The following CAB39 variants were observed in gnomAD, a reference collection of about 807,000 sequenced individuals.
The protein encoded by CAB39 is calcium binding protein 39.
A neutral mutation model predicts 40.0 loss-of-function variants in CAB39; 8 were observed. That is an observed-to-expected ratio of 0.20 (90% CI 0.12 to 0.36). The LOEUF (loss-of-function observed/expected upper bound fraction) is 0.36. CAB39 is among the 10% of genes least tolerant of loss of function. The pLI, the probability that CAB39 is intolerant of heterozygous loss-of-function variation, is 1.00. For synonymous variants in CAB39, 156 were observed against 141.6 expected (o/e 1.10, Z -0.72); for missense variants, 270 against 401.1 (o/e 0.67, Z 2.79).
At chr2:230,748,832 AT>A (rs1305440196) in intron 1 of CAB39, among the ~76,000 whole-genome samples, 1,218 of 21,534 alleles carry the variant, frequency 0.057, 29 homozygotes, top group African/African-American at 0.13. Flanking sequence ...AAAAAAAAAA[AT>A]ATATATATAT....
intron 2 of CAB39, among the ~76,000 whole-genome samples, chr2:230,761,776 C>T (rs983850955): frequency 6.6e-6 from 1 of 151,992 alleles, no homozygotes; most frequent in African/African-American, 2.4e-5. Context: ...GTTTCTAATG[C>T]CCTTTGGACT....
intron 5 of CAB39, among the ~76,000 whole-genome samples, chr2:230,807,201 G>T (rs1696211548): frequency 6.6e-6 from 1 of 151,950 alleles, no homozygotes; most frequent in African/African-American, 2.4e-5. Flanking sequence ...TATTCTGTTG[G>T]TCTACACACA....
chr2:230,767,601 T>C (rs1695410819), intron 2 of CAB39, among the ~76,000 whole-genome samples: 1 of 152,246 alleles, frequency 6.6e-6, no homozygotes, highest in Non-Finnish European at 1.5e-5. Flanking sequence ...GAATGGTTTT[T>C]ACATTTACAG....
chr2:230,779,433 A>G (rs1488547397), intron 2 of CAB39: 1 of 152,338 alleles, frequency 6.6e-6, no homozygotes, highest in Non-Finnish European at 1.5e-5. Context: ...GTAAGGGATG[A>G]TCCGCATCTC....
At chr2:230,773,317 T>TGTGTGTGTGA (rs1695525221) in intron 2 of CAB39, among the ~76,000 whole-genome samples, 1 of 134,834 alleles carries the variant, frequency 7.4e-6, no homozygotes, top group Non-Finnish European at 1.7e-5. Flanking sequence ...TATATATATG[T>TGTGTGTGTGA]GTGTGTGTGT....
chr2:230,798,918 C>A (rs1696037033), intron 5 of CAB39, 21 bp downstream of exon 5: 1 of 1,560,814 alleles, frequency 6.4e-7, no homozygotes, highest in East Asian at 2.3e-5. Flanking sequence ...CTGTAGAATT[C>A]TAAATATCCT....
chr2:230,781,926 T>A (rs1323996128), intron 2 of CAB39, among the ~76,000 whole-genome samples: 1 of 152,138 alleles, frequency 6.6e-6, no homozygotes, highest in Admixed American at 6.5e-5. Context: ...GTGCAGTGGC[T>A]CAATCTCGGC....
chr2:230,725,604 A>C (rs1694552429), intron 1 of CAB39, among the ~76,000 whole-genome samples: 1 of 152,200 alleles, frequency 6.6e-6, no homozygotes, highest in African/African-American at 2.4e-5. Flanking sequence ...AAGGGGTCCT[A>C]GATTTGAAAC....
intron 1 of CAB39, among the ~76,000 whole-genome samples, chr2:230,743,682 C>T (rs1234794034): frequency 6.6e-6 from 1 of 152,100 alleles, no homozygotes; most frequent in Non-Finnish European, 1.5e-5. Flanking sequence ...TAGAAGAGTA[C>T]TCGCTTTGAT....
At chr2:230,778,489 G>A (rs185444304) in intron 2 of CAB39, among the ~76,000 whole-genome samples, 20 of 152,284 alleles carry the variant, frequency 1.3e-4, no homozygotes, top group Admixed American at 9.8e-4. Context: ...TGCACTGATA[G>A]GTACCGTGGG....
chr2:230,755,433 A>G (rs921086132), intron 1 of CAB39, among the ~76,000 whole-genome samples: 3 of 152,128 alleles, frequency 2.0e-5, no homozygotes, highest in African/African-American at 2.4e-5. Flanking sequence ...GGCCATTTAT[A>G]TATCTTCTTT....
At chr2:230,765,677 G>T (rs975194172) in intron 2 of CAB39, among the ~76,000 whole-genome samples, 1 of 152,008 alleles carries the variant, frequency 6.6e-6, no homozygotes, top group Non-Finnish European at 1.5e-5. Context: ...GGGCAATTTT[G>T]CCCTGAAGGG....
chr2:230,760,384 T>TTAC (rs1471319052), intron 2 of CAB39, among the ~76,000 whole-genome samples: 1 of 152,192 alleles, frequency 6.6e-6, no homozygotes, highest in Non-Finnish European at 1.5e-5. Flanking sequence ...TTATTTATTA[T>TTAC]TACTAATTAT....
intron 2 of CAB39, among the ~76,000 whole-genome samples, chr2:230,770,348 A>G (rs531415298): frequency 4.6e-5 from 7 of 152,334 alleles, no homozygotes; most frequent in African/African-American, 1.7e-4. Context: ...ACTGCATGCC[A>G]TTAAACTCAA....
chr2:230,758,905 A>G (rs927373199), intron 1 of CAB39, among the ~76,000 whole-genome samples: 1 of 152,200 alleles, frequency 6.6e-6, no homozygotes, highest in African/African-American at 2.4e-5. Context: ...TTACTGAAAA[A>G]TGGTAACTTC....
At chr2:230,797,528 G>A (rs779209938) in intron 4 of CAB39, among the ~76,000 whole-genome samples, 1 of 151,368 alleles carries the variant, frequency 6.6e-6, no homozygotes, top group African/African-American at 2.4e-5. Context: ...AAGCAGGGGG[G>A]TGGGGGTGAT....
chr2:230,809,283 A>G (rs897289324), intron 5 of CAB39, among the ~76,000 whole-genome samples: 3 of 152,212 alleles, frequency 2.0e-5, no homozygotes, highest in African/African-American at 7.2e-5. Flanking sequence ...CCAGTGTTTC[A>G]TTTCAGCATA....
At chr2:230,778,199 G>T (rs1258554000) in intron 2 of CAB39, among the ~76,000 whole-genome samples, 1 of 152,154 alleles carries the variant, frequency 6.6e-6, no homozygotes, top group Non-Finnish European at 1.5e-5. Flanking sequence ...AAAAATTGGG[G>T]ACAGTGAAGA....
chr2:230,798,636 C>T, intron 4 of CAB39, 93 bp from the exon 5 acceptor site: 1 of 1,041,004 alleles, frequency 9.6e-7, no homozygotes, highest in Non-Finnish European at 1.4e-6. Context: ...TGTCTGAAAA[C>T]TGTCTTTGGC....
Sources: allele counts gnomAD v4.1 joint callset (sites outside exome capture counted in the v4.1 genomes callset), GRCh38; gene constraint gnomAD v4.1.1; transcripts MANE v1.5; gene names NCBI Gene and HGNC (gene_info 2026-07-23, HGNC 2026-07-21).